Variants in CLEC16A observed in about 807,000 individuals in gnomAD.
The protein encoded by CLEC16A is protein CLEC16A.
A neutral mutation model predicts 109.5 loss-of-function variants in CLEC16A; 51 were observed. That is an observed-to-expected ratio of 0.47 (90% CI 0.37 to 0.59). CLEC16A has a LOEUF of 0.59. Ranked by LOEUF, CLEC16A falls within the 20% of genes least tolerant of loss-of-function variation. The pLI, the probability that CLEC16A is intolerant of heterozygous loss-of-function variation, is 0.00. For synonymous variants in CLEC16A, 673 were observed against 564.2 expected (o/e 1.19, Z -2.73); for missense variants, 1,339 against 1,394.0 (o/e 0.96, Z 0.63).
intron 9 of CLEC16A, 143 bp downstream of exon 9, chr16:10,979,525 G>C: frequency 1.4e-6 from 1 of 702,048 alleles, no homozygotes; most frequent in Non-Finnish European, 2.4e-6. Flanking sequence ...AACAGAAGGG[G>C]CTTTCTGTTT....
At chr16:10,982,640 A>C (rs1718527252) in intron 9 of CLEC16A, among the ~76,000 whole-genome samples, 2 of 152,200 alleles carry the variant, frequency 1.3e-5, no homozygotes, top group South Asian at 2.1e-4. Context: ...GCATTAATGC[A>C]CTTCCTTCCG....
In CLEC16A at chr16:10,977,279, G is replaced by C; in HGVS notation, c.783G>C (p.Leu261=). 1 of 1,613,974 alleles carries C rather than the reference G, an allele frequency of 6.2e-7. No individual in the cohort carries two copies. The highest frequency in any genetic ancestry group is 1.3e-5 in the African/African-American group (1 of 75,044). Residue 261 remains leucine, a synonymous_variant, in exon 8 of 24, where the codon CTG becomes CTC. Transcript: ENST00000409790. Reference sequence around the variant, plus strand: ...TGGTGGCAGAGCACCTAGACCACCTGCACTATCTCAATGACATCCTGATCA... The same window carrying C: ...TGGTGGCAGAGCACCTAGACCACCTCCACTATCTCAATGACATCCTGATCA... The part of the protein sequence containing the change: ...SDLVAEHLDH[L]HYLNDILIIN...
chr16:10,963,167 T>C (rs1035606173), intron 3 of CLEC16A, among the ~76,000 whole-genome samples: 2 of 152,202 alleles, frequency 1.3e-5, no homozygotes, highest in African/African-American at 4.8e-5. Flanking sequence ...GCATGGCCTT[T>C]CATCTGTGTG....
intron 22 of CLEC16A, 167 bp downstream of exon 22, chr16:11,126,313 A>G (rs2052815934): frequency 2.0e-6 from 3 of 1,504,648 alleles, no homozygotes; most frequent in Non-Finnish European, 2.7e-6. Flanking sequence ...GATTAAACAC[A>G]GCCCCCAAAA....
At chr16:11,145,170 G>A (rs891661880) in intron 22 of CLEC16A, among the ~76,000 whole-genome samples, 10 of 152,130 alleles carry the variant, frequency 6.6e-5, no homozygotes, top group Non-Finnish European at 7.3e-5. Flanking sequence ...CTTGGTTGGA[G>A]GGCCCAGGGA....
rs202179630 is a variant in CLEC16A at position 11,166,472 on chromosome 16, G to A, written c.2726G>A (p.Ser909Asn). ...QSPPSASGSP[S>N]GSGSTSHCDS... ...CCACCCTCCGCCAGCGGGAGCCCCA[G>A]CGGCAGCGGGAGCACCAGCCACTGC... The change falls in exon 23 of 24, where the codon AGC (serine) becomes AAC (asparagine). Residue 909 changes from serine (S) to asparagine (N), a missense_variant. By Grantham distance (46) the Ser-to-Asn change is conservative (BLOSUM62 1). This residue lies in a region of CLEC16A where 1,061 missense variants were observed against 1,006.8 expected (regional missense o/e 1.05). Transcript: ENST00000409790. The A allele has an allele frequency of 4.3e-5, 69 of 1,608,334 alleles. No homozygotes were observed. The highest frequency in any genetic ancestry group is 5.8e-5 in the Non-Finnish European group (68 of 1,179,734).
chr16:11,135,679 A>C (rs955755954), intron 22 of CLEC16A, among the ~76,000 whole-genome samples: 32 of 152,266 alleles, frequency 2.1e-4, no homozygotes, highest in Admixed American at 2.1e-3. Flanking sequence ...CCCGTGCAGT[A>C]GGTGGGGGGA....
At chr16:11,068,035 G>A (rs1178626340) in intron 19 of CLEC16A, among the ~76,000 whole-genome samples, 2 of 152,172 alleles carry the variant, frequency 1.3e-5, no homozygotes, top group Non-Finnish European at 2.9e-5. Flanking sequence ...GCTGTTTCCA[G>A]GCCAGGACTT....
chr16:11,021,574 G>C (rs943403912), intron 12 of CLEC16A, among the ~76,000 whole-genome samples: 8 of 152,184 alleles, frequency 5.3e-5, no homozygotes, highest in African/African-American at 1.9e-4. Flanking sequence ...AAGGGGGGAG[G>C]ATCACTTGAA....
intron 3 of CLEC16A, among the ~76,000 whole-genome samples, chr16:10,966,288 C>T (rs554158692): frequency 1.2e-3 from 188 of 152,250 alleles, no homozygotes; most frequent in African/African-American, 4.3e-3. Flanking sequence ...TGGTAATAAG[C>T]GAAAGAGGCC....
At chr16:11,162,501 A>C (rs2054759230) in intron 22 of CLEC16A, among the ~76,000 whole-genome samples, 1 of 152,216 alleles carries the variant, frequency 6.6e-6, no homozygotes, top group African/African-American at 2.4e-5. Flanking sequence ...CACAAAAAAT[A>C]ACAAAACTCA....
chr16:10,971,346 G>T, intron 5 of CLEC16A, 116 bp downstream of exon 5: 2 of 829,844 alleles, frequency 2.4e-6, no homozygotes. Context: ...TTGATGATGA[G>T]CCGTGGCAGC....
At position 10,987,470 on chromosome 16, in the gene CLEC16A, C is replaced by T. The variant is rs550965220; in HGVS notation, c.1071+4479C>T. On this transcript the variant is annotated intron_variant, in intron 10 of 23. Transcript: ENST00000409790. ...GCCTCTTCTTAGGATGAAGGTCTCA[C>T]CTCCCTTGTGAGAGACACACAAACT... Among the ~76,000 whole-genome samples, 6 of 152,320 alleles carry T rather than the reference C, an allele frequency of 3.9e-5. No individual in the cohort carries two copies. In the South Asian group the frequency reaches 1.2e-3, roughly 32 times the overall value.
At chr16:11,138,939 A>G (rs2053695465) in intron 22 of CLEC16A, among the ~76,000 whole-genome samples, 1 of 152,054 alleles carries the variant, frequency 6.6e-6, no homozygotes, top group Admixed American at 6.6e-5. Flanking sequence ...ATGAAGTGAA[A>G]ACAGAAATAG....
chr16:11,034,594 G>C (rs1252769344), intron 13 of CLEC16A, among the ~76,000 whole-genome samples: 1 of 152,070 alleles, frequency 6.6e-6, no homozygotes, highest in Non-Finnish European at 1.5e-5. Flanking sequence ...CCTGTCCACG[G>C]GTGGACAGGG....
At position 11,174,427 on chromosome 16, in the gene CLEC16A, A is replaced by G. The variant is rs1470084794; in HGVS notation, c.2807-3908A>G. On this transcript the variant is annotated intron_variant, in intron 23 of 23. Coordinates refer to ENST00000409790, the MANE Select transcript of CLEC16A (RefSeq NM_015226.3). The surrounding 1 kb of genome is among the most constrained non-coding windows in gnomAD (Gnocchi z 4.7). ...GGCGGCACTTCCCCATTTTCCCCCA[A>G]AGTTGGTTCTCCCTGCTCCCTGTCT... The G allele has an allele frequency of 8.5e-6, 3 of 353,280 alleles. No individual in the cohort carries two copies. Among genetic ancestry groups the G allele is most frequent in the East Asian group, 1.6e-4 (2 of 12,580 alleles). The allele number at this position is 353,280 out of a possible 1,614,324, so 21.9% of individuals were successfully genotyped here. A position where few individuals can be genotyped will look rare whatever the true frequency, so the allele number is the denominator to read the frequency against.
At chr16:10,977,181 C>A in intron 7 of CLEC16A, 44 bp from the exon 8 acceptor site, 1 of 1,586,578 alleles carries the variant, frequency 6.3e-7, no homozygotes, top group Non-Finnish European at 8.6e-7. Context: ...CTCAAAGGCT[C>A]CTAGTGTTGG....
At chr16:11,047,365 C>T in intron 17 of CLEC16A, 23 bp downstream of exon 17, 2 of 1,592,660 alleles carry the variant, frequency 1.3e-6, no homozygotes, top group Non-Finnish European at 1.7e-6. Flanking sequence ...CTGGGACACA[C>T]TTGGGCTGGT....
intron 8 of CLEC16A, among the ~76,000 whole-genome samples, chr16:10,977,624 C>A (rs2043093997): frequency 1.3e-5 from 2 of 152,176 alleles, no homozygotes; most frequent in African/African-American, 4.8e-5. Flanking sequence ...AGTAATTCTC[C>A]TGCCTCAGCC....
Sources: allele counts gnomAD v4.1 joint callset (sites outside exome capture counted in the v4.1 genomes callset), GRCh38; gene constraint gnomAD v4.1.1; regional missense constraint gnomAD v4.1.1; non-coding constraint Gnocchi (gnomAD v3.1); transcripts MANE v1.5; gene names NCBI Gene and HGNC (gene_info 2026-07-23, HGNC 2026-07-21).